The following DLG2 variants were observed in gnomAD, a reference collection of about 807,000 sequenced individuals.
DLG2 encodes disks large homolog 2.
DLG2 carries 45 observed loss-of-function variants against 132.5 expected under a neutral mutation model. The ratio of observed to expected loss-of-function variants is 0.34; its 90% CI spans 0.27 to 0.44. The LOEUF is 0.44. DLG2 is among the 20% of genes least tolerant of loss of function. The probability of loss-of-function intolerance (pLI) is 1.00; values close to 1 mark genes in which losing one functional copy is unlikely to be tolerated. For synonymous variants in DLG2, 424 were observed against 419.6 expected, an observed-to-expected ratio of 1.01 and a Z score of -0.13; for missense variants, 1,045 against 1,196.9, an observed-to-expected ratio of 0.87 and a Z score of 1.87.
At chr11:84,971,742 A>G (rs1200958445) in intron 6 of DLG2, among the ~76,000 whole-genome samples, 3 of 152,126 alleles carry the variant, frequency 2.0e-5, no homozygotes, top group Non-Finnish European at 4.4e-5. Flanking sequence ...ACCTAGAGAA[A>G]ACTTCAAAAT....
At chr11:84,514,115 G>T (rs1244973205) in intron 7 of DLG2, among the ~76,000 whole-genome samples, 1 of 152,046 alleles carries the variant, frequency 6.6e-6, no homozygotes, top group Non-Finnish European at 1.5e-5. Context: ...GATCATCAGA[G>T]AAATGCAAGT....
chr11:84,475,739 G>A (rs2099119897), intron 7 of DLG2, among the ~76,000 whole-genome samples: 1 of 152,112 alleles, frequency 6.6e-6, no homozygotes, highest in African/African-American at 2.4e-5. Flanking sequence ...AAATTATAAA[G>A]AGATAGGAAT....
intron 3 of DLG2, among the ~76,000 whole-genome samples, chr11:85,294,429 C>A (rs1407894491): frequency 6.6e-6 from 1 of 151,722 alleles, no homozygotes; most frequent in Non-Finnish European, 1.5e-5. Flanking sequence ...GGTAGAAGAT[C>A]AGATCATTAG....
intron 6 of DLG2, among the ~76,000 whole-genome samples, chr11:84,698,253 G>GT (rs1372287926): frequency 1.3e-5 from 2 of 151,422 alleles, no homozygotes; most frequent in African/African-American, 4.8e-5. Context: ...AATTCATAGT[G>GT]TTTGTCTTTC....
intron 6 of DLG2, among the ~76,000 whole-genome samples, chr11:85,055,534 T>C (rs2063362247): frequency 6.6e-6 from 1 of 152,146 alleles, no homozygotes; most frequent in Non-Finnish European, 1.5e-5. Flanking sequence ...ACAGAGCTTT[T>C]GGCAGTCTCA....
At chr11:83,931,433 TCA>T (rs1565691006) in intron 14 of DLG2, among the ~76,000 whole-genome samples, 1 of 152,218 alleles carries the variant, frequency 6.6e-6, no homozygotes, top group Non-Finnish European at 1.5e-5. Flanking sequence ...TCCAATTTTC[TCA>T]GTCTGATGTT....
chr11:84,682,524 G>A (rs1396816862), intron 6 of DLG2, among the ~76,000 whole-genome samples: 2 of 152,148 alleles, frequency 1.3e-5, no homozygotes, highest in African/African-American at 2.4e-5. Context: ...GCTCCTCCAC[G>A]GCTTTCCTCC....
At chr11:83,477,604 T>A (rs746575462) in intron 22 of DLG2, among the ~76,000 whole-genome samples, 2 of 152,072 alleles carry the variant, frequency 1.3e-5, no homozygotes, top group Non-Finnish European at 2.9e-5. Flanking sequence ...ACACAATGGA[T>A]TGTGAAACAC....
rs569662444 is a variant in DLG2, at chr11:85,291,917, C to T, written c.41-6552G>A. Among the ~76,000 whole-genome samples, 9 of 152,218 alleles carry T rather than the reference C, an allele frequency of 5.9e-5. No individual in the cohort carries two copies. The South Asian group carries it at 1.0e-3, about 18-fold the overall frequency. On this transcript the variant is annotated intron_variant, in intron 3 of 27. Transcript: ENST00000376104. The stretch of plus-strand genomic sequence containing the variant: ...TCTTCTTACAGCTGCAACAAAGAGA[C>T]GGTAAGATGTGCTTTAAGACATATG...
intron 17 of DLG2, chr11:83,790,078 C>T (rs1434655035): frequency 1.9e-5 from 21 of 1,088,894 alleles, no homozygotes; most frequent in Non-Finnish European, 2.6e-5. Flanking sequence ...ACAGGTACTG[C>T]AACGAGTGTA....
Position 84,268,182 on chromosome 11 carries a change from T to C in DLG2, c.520-16891A>G, listed in dbSNP as rs1045215108. On this transcript the variant is annotated intron_variant, in intron 7 of 27. Coordinates refer to ENST00000376104, the MANE Select transcript of DLG2 (RefSeq NM_001142699.3). The stretch of plus-strand genomic sequence containing the variant: ...ATCTTGTAAACCCCTGTTTTAAAAC[T>C]GTCTCAAGACTTTTCTCCTTTTTCT... 5.3e-5 allele frequency among the ~76,000 whole-genome samples: 8 copies of C among 151,440 alleles called. No individual in the cohort carries two copies. In the East Asian group the frequency reaches 9.6e-4, roughly 18 times the overall value.
chr11:83,862,815 A>G (rs1478183455), intron 16 of DLG2, among the ~76,000 whole-genome samples: 3 of 152,162 alleles, frequency 2.0e-5, no homozygotes, highest in African/African-American at 7.2e-5. Flanking sequence ...TTGGTCACTT[A>G]GGGAATATAA....
intron 18 of DLG2, among the ~76,000 whole-genome samples, chr11:83,680,896 A>ATT (rs5793079): frequency 6.6e-6 from 1 of 151,252 alleles, no homozygotes; most frequent in South Asian, 2.1e-4. Context: ...AAATGCATAC[A>ATT]TTTTTTTCAA....
chr11:83,602,382 G>A (rs987720828), intron 19 of DLG2, among the ~76,000 whole-genome samples: 1 of 152,224 alleles, frequency 6.6e-6, no homozygotes, highest in Non-Finnish European at 1.5e-5. Context: ...TGCCGGCAGT[G>A]GATGGCACCT....
chr11:83,722,064 A>G (rs1309656662), intron 18 of DLG2, among the ~76,000 whole-genome samples: 1 of 152,196 alleles, frequency 6.6e-6, no homozygotes, highest in African/African-American at 2.4e-5. Flanking sequence ...CTTTTTTCCA[A>G]AGAAATATAA....
intron 6 of DLG2, among the ~76,000 whole-genome samples, chr11:85,045,333 T>C (rs1238292968): frequency 6.6e-6 from 1 of 152,050 alleles, no homozygotes. Flanking sequence ...TTTGGCTCCA[T>C]CTGCCACTCA....
At chr11:85,435,713 T>C (rs992110262) in intron 3 of DLG2, among the ~76,000 whole-genome samples, 1 of 152,218 alleles carries the variant, frequency 6.6e-6, no homozygotes, top group African/African-American at 2.4e-5. Context: ...GAAGAGTTAA[T>C]ATTGTGAAAA....
At chr11:83,988,933 C>T (rs1214391391) in intron 11 of DLG2, among the ~76,000 whole-genome samples, 1 of 137,418 alleles carries the variant, frequency 7.3e-6, no homozygotes, top group East Asian at 2.2e-4. Context: ...TGTTCTGTCT[C>T]CTTGGTGAAA....
At chr11:85,439,135 T>A (rs1204887891) in intron 3 of DLG2, among the ~76,000 whole-genome samples, 3 of 152,180 alleles carry the variant, frequency 2.0e-5, no homozygotes, top group Admixed American at 1.3e-4. Flanking sequence ...AATAAACTGC[T>A]GTGAACATTC....
Sources: gnomAD v4.1 joint callset for allele counts (sites outside exome capture counted in the v4.1 genomes callset) on GRCh38, gnomAD v4.1.1 for gene constraint, MANE v1.5 for transcripts, NCBI Gene and HGNC (gene_info 2026-07-23, HGNC 2026-07-21) for gene names.